Variants in CEP85L observed in about 807,000 individuals in gnomAD.
CEP85L encodes the protein centrosomal protein 85L.
Under a neutral mutation model 100.3 loss-of-function variants are expected in CEP85L, and 60 were observed. The observed-to-expected ratio is 0.60, with a 90% confidence interval of 0.49 to 0.74. The LOEUF (loss-of-function observed/expected upper bound fraction) is 0.74. Among genes scored for constraint, CEP85L ranks in the 30% least tolerant of loss-of-function variants. CEP85L has a pLI of 0.00. For missense variants in CEP85L, 973 were observed against 936.2 expected, an observed-to-expected ratio of 1.04 and a Z score of -0.51; for synonymous variants, 319 against 322.7, an observed-to-expected ratio of 0.99 and a Z score of 0.12.
intron 2 of CEP85L, among the ~76,000 whole-genome samples, chr6:118,592,336 T>C (rs1004108975): frequency 2.3e-4 from 35 of 151,560 alleles, no homozygotes; most frequent in African/African-American, 8.2e-4. Context: ...GGTCTTTTTT[T>C]TTTTTTTTTT....
At chr6:118,578,092 T>A (rs1780348378) in intron 2 of CEP85L, among the ~76,000 whole-genome samples, 1 of 152,230 alleles carries the variant, frequency 6.6e-6, no homozygotes, top group South Asian at 2.1e-4. Flanking sequence ...TTAAGGACAG[T>A]AAGTTCCTCT....
chr6:118,469,143 G>A lies in CEP85L; in HGVS notation c.2183C>T (p.Ala728Val). Residue 728 changes from alanine to valine, a missense_variant, in exon 12 of 13, where the codon GCA becomes GTA. Coordinates refer to ENST00000368491, the MANE Select transcript of CEP85L (RefSeq NM_001042475.3). ...ACGCTGATTAAGAATACTACACAAT[G>A]CTTTCAAGTCAAACAAACAACAGGA... Reference protein sequence around the residue: ...EMSCCLFDLKALCSILNQRAQ... With the variant: ...EMSCCLFDLKVLCSILNQRAQ... The A allele has an allele frequency of 6.2e-7, 1 of 1,613,996 alleles. No homozygotes were observed. The highest frequency in any genetic ancestry group is 8.5e-7 in the Non-Finnish European group (1 of 1,179,902).
At chr6:118,477,102 A>C (rs142283455) in intron 10 of CEP85L, among the ~76,000 whole-genome samples, 15 of 152,324 alleles carry the variant, frequency 9.8e-5, no homozygotes, top group Admixed American at 7.8e-4. Flanking sequence ...ATAATGACAG[A>C]AGAAAAAACC....
intron 2 of CEP85L, among the ~76,000 whole-genome samples, chr6:118,632,053 G>A (rs1357629322): frequency 1.3e-5 from 2 of 152,110 alleles, no homozygotes; most frequent in South Asian, 2.1e-4. Flanking sequence ...GCAGTGGCAC[G>A]ATCTCAGCTC....
At chr6:118,661,911 G>A (rs1022445895) in intron 1 of CEP85L, among the ~76,000 whole-genome samples, 1 of 152,204 alleles carries the variant, frequency 6.6e-6, no homozygotes, top group Non-Finnish European at 1.5e-5. Context: ...AGTTGATGGA[G>A]CTGCAGCAAA....
intron 2 of CEP85L, among the ~76,000 whole-genome samples, chr6:118,568,499 A>G (rs879690947): frequency 6.6e-6 from 1 of 152,238 alleles, no homozygotes; most frequent in Non-Finnish European, 1.5e-5. Flanking sequence ...AGTGCCAAGA[A>G]AAGTTGTCAA....
At chr6:118,609,045 G>GA (rs1246826870) in intron 2 of CEP85L, among the ~76,000 whole-genome samples, 1 of 152,124 alleles carries the variant, frequency 6.6e-6, no homozygotes, top group Non-Finnish European at 1.5e-5. Context: ...TAGACTATGT[G>GA]AATCATTTCA....
At chr6:118,598,676 C>G (rs1037355760) in intron 2 of CEP85L, among the ~76,000 whole-genome samples, 1 of 152,166 alleles carries the variant, frequency 6.6e-6, no homozygotes, top group Non-Finnish European at 1.5e-5. Context: ...TCAGAGGGAG[C>G]ATGGCCCTGC....
intron 2 of CEP85L, among the ~76,000 whole-genome samples, chr6:118,592,113 AATCCTAGT>A (rs955770132): frequency 1.2e-4 from 18 of 152,328 alleles, no homozygotes; most frequent in Middle Eastern, 6.8e-3. Flanking sequence ...CTCAAAATAA[AATCCTAGT>A]ATCCTGTTTC....
At chr6:118,520,871 T>C (rs1453177309) in intron 4 of CEP85L, among the ~76,000 whole-genome samples, 2 of 152,230 alleles carry the variant, frequency 1.3e-5, no homozygotes, top group African/African-American at 2.4e-5. Flanking sequence ...CAAATGTTTT[T>C]CTGAATTGTT....
intron 1 of CEP85L, among the ~76,000 whole-genome samples, chr6:118,696,583 C>T (rs1777219461): frequency 6.6e-6 from 1 of 152,112 alleles, no homozygotes; most frequent in Non-Finnish European, 1.5e-5. Flanking sequence ...GTTCATGAGC[C>T]CGTTGAGTGA....
chr6:118,503,877 C>A (rs1775473675), intron 5 of CEP85L, among the ~76,000 whole-genome samples: 1 of 146,398 alleles, frequency 6.8e-6, no homozygotes, highest in Admixed American at 6.8e-5. Flanking sequence ...TTGGCTATGG[C>A]AATGACTTTT....
chr6:118,602,863 C>G (rs1781854258), intron 2 of CEP85L, among the ~76,000 whole-genome samples: 1 of 151,850 alleles, frequency 6.6e-6, no homozygotes, highest in East Asian at 1.9e-4. Context: ...CACGGTCACC[C>G]AGGCTGGAGT....
At chr6:118,557,122 C>T (rs2114959042) in intron 3 of CEP85L, among the ~76,000 whole-genome samples, 1 of 152,188 alleles carries the variant, frequency 6.6e-6, no homozygotes, top group African/African-American at 2.4e-5. Flanking sequence ...TAAAATGTTA[C>T]TTAAGATAAC....
chr6:118,548,288 CT>C (rs1297605804), intron 3 of CEP85L: 1 of 152,118 alleles, frequency 6.6e-6, no homozygotes, highest in Non-Finnish European at 1.5e-5. Context: ...CCTACTGCAA[CT>C]GTTCCCATAA....
chr6:118,663,610 A>T (rs1471718184), intron 1 of CEP85L, among the ~76,000 whole-genome samples: 1 of 152,186 alleles, frequency 6.6e-6, no homozygotes, highest in Non-Finnish European at 1.5e-5. Flanking sequence ...GATGAGATGC[A>T]TTCTTTCCTT....
intron 2 of CEP85L, among the ~76,000 whole-genome samples, chr6:118,611,884 T>C (rs1000878480): frequency 7.1e-6 from 1 of 141,796 alleles, no homozygotes. Context: ...AATACACAAA[T>C]CTATAATTAT....
At position 118,527,729 on chromosome 6, in the gene CEP85L, G is replaced by T. The variant is rs1430905056; in HGVS notation, c.1021-3809C>A. On this transcript the variant is annotated intron_variant, in intron 3 of 12. Transcript: ENST00000368491. Reference sequence around the variant, plus strand: ...AGTAGGATTTGGAAATGCTTAAAATGATGTGGTGAATTATTAAATCTGCTA... The same window carrying T: ...AGTAGGATTTGGAAATGCTTAAAATTATGTGGTGAATTATTAAATCTGCTA... Among the ~76,000 whole-genome samples the T allele has an allele frequency of 2.0e-5, 3 of 152,178 alleles. No homozygotes were observed. The East Asian group carries it at 5.8e-4, about 29-fold the overall frequency.
chr6:118,511,268 A>T (rs767747847), intron 5 of CEP85L, 30 bp downstream of exon 5: 3 of 1,391,282 alleles, frequency 2.2e-6, no homozygotes, highest in Non-Finnish European at 3.1e-6. Flanking sequence ...TTTACTACTA[A>T]AACAGCTACA....
Sources: gnomAD v4.1 joint callset for allele counts (sites outside exome capture counted in the v4.1 genomes callset) on GRCh38, gnomAD v4.1.1 for gene constraint, MANE v1.5 for transcripts, NCBI Gene and HGNC (gene_info 2026-07-23, HGNC 2026-07-21) for gene names.